FER: variants seen among roughly 807,000 people sequenced by gnomAD.
The protein encoded by FER is FER tyrosine kinase, also known as tyrosine-protein kinase Fer.
In FER, 63 loss-of-function variants were observed where a neutral mutation model predicts 111.0. That is an observed-to-expected ratio of 0.57 (90% CI 0.46 to 0.70). The LOEUF (loss-of-function observed/expected upper bound fraction) is 0.70. Ranked by LOEUF, FER falls within the 30% of genes least tolerant of loss-of-function variation. The probability of loss-of-function intolerance (pLI) is 0.00; values close to 1 mark genes in which losing one functional copy is unlikely to be tolerated. For synonymous variants in FER, 327 were observed against 313.9 expected (o/e 1.04, Z -0.44); for missense variants, 914 against 954.0 (o/e 0.96, Z 0.55).
chr5:108,850,966 T>C (rs547574643), intron 5 of FER, among the ~76,000 whole-genome samples: 53 of 152,230 alleles, frequency 3.5e-4, no homozygotes, highest in Non-Finnish European at 1.2e-4. Context: ...TAAACTCTGT[T>C]AATGATAATG....
At chr5:109,036,766 C>T (rs1033861084) in intron 13 of FER, among the ~76,000 whole-genome samples, 1 of 151,178 alleles carries the variant, frequency 6.6e-6, no homozygotes, top group South Asian at 2.1e-4. Flanking sequence ...ATAGTTGAGC[C>T]TTTTTTAGAT....
At chr5:108,901,290 G>C (rs946874006) in intron 10 of FER, among the ~76,000 whole-genome samples, 1 of 151,936 alleles carries the variant, frequency 6.6e-6, no homozygotes, top group Admixed American at 6.6e-5. Context: ...GGTTATGCTA[G>C]ATAAGTATGA....
chr5:108,903,043 C>G (rs1371981198), intron 10 of FER, among the ~76,000 whole-genome samples: 2 of 151,924 alleles, frequency 1.3e-5, no homozygotes, highest in Non-Finnish European at 2.9e-5. Context: ...TCAGAATAAT[C>G]TGGTTATTTA....
intron 16 of FER, among the ~76,000 whole-genome samples, chr5:109,073,448 G>C (rs925670619): frequency 6.6e-6 from 1 of 152,118 alleles, no homozygotes; most frequent in African/African-American, 2.4e-5. Context: ...TGAGGCTAGT[G>C]TTAGGCTGTG....
intron 2 of FER, among the ~76,000 whole-genome samples, chr5:108,795,981 G>A (rs1755972606): frequency 6.6e-6 from 1 of 152,136 alleles, no homozygotes; most frequent in African/African-American, 2.4e-5. Context: ...GATATTTATT[G>A]TAGTCTTCAC....
intron 8 of FER, among the ~76,000 whole-genome samples, chr5:108,874,247 A>G (rs1269106799): frequency 1.3e-5 from 2 of 152,190 alleles, no homozygotes; most frequent in African/African-American, 4.8e-5. Flanking sequence ...TTTTGTGACC[A>G]AAGAAGAATT....
In FER at chr5:108,816,669, A is replaced by G. The variant is rs531440837; in HGVS notation, c.208-16101A>G. On this transcript the variant is annotated intron_variant, in intron 3 of 19. Coordinates refer to ENST00000281092, the MANE Select transcript of FER (RefSeq NM_005246.4). ...TTGTACAATCTCATGGTTATTAGGC[A>G]CAAAAATATTTTGTTACAGTAGAGC... Among the ~76,000 whole-genome samples the G allele has an allele frequency of 3.3e-5, 5 of 152,316 alleles. No individual in the cohort carries two copies. The East Asian group carries it at 9.6e-4, about 29-fold the overall frequency.
At chr5:109,072,245 T>C (rs1256045518) in intron 16 of FER, among the ~76,000 whole-genome samples, 1 of 151,678 alleles carries the variant, frequency 6.6e-6, no homozygotes, top group East Asian at 2.0e-4. Flanking sequence ...AAAACCTCTT[T>C]CTATTCTATG....
chr5:108,846,192 T>C (rs12719100), intron 5 of FER, among the ~76,000 whole-genome samples: 44,584 of 151,928 alleles, frequency 0.29, 6,813 homozygotes, highest in African/African-American at 0.34. Context: ...TGGTAGACTT[T>C]GCTTGTGAAA....
intron 3 of FER, among the ~76,000 whole-genome samples, chr5:108,815,262 T>C (rs993585309): frequency 6.6e-6 from 1 of 152,048 alleles, no homozygotes; most frequent in Non-Finnish European, 1.5e-5. Flanking sequence ...AAAATGTAAA[T>C]GTACCTGTTA....
At chr5:108,855,001 G>A (rs1320250010) in intron 5 of FER, among the ~76,000 whole-genome samples, 2 of 147,442 alleles carry the variant, frequency 1.4e-5, no homozygotes, top group Non-Finnish European at 3.0e-5. Flanking sequence ...TGAATTGGAT[G>A]TAGTTTGTGA....
intron 3 of FER, among the ~76,000 whole-genome samples, chr5:108,821,942 A>C (rs1254965833): frequency 6.6e-6 from 1 of 152,094 alleles, no homozygotes; most frequent in African/African-American, 2.4e-5. Context: ...TGTACATTAG[A>C]TCTTCAGGAC....
chr5:109,131,422 C>T (rs532442598), intron 17 of FER, among the ~76,000 whole-genome samples: 3 of 152,168 alleles, frequency 2.0e-5, no homozygotes, highest in East Asian at 3.9e-4. Flanking sequence ...ATTTTTTCCC[C>T]TGTGATCTTC....
chr5:108,766,048 G>A (rs534933529), intron 1 of FER, among the ~76,000 whole-genome samples: 4 of 151,860 alleles, frequency 2.6e-5, no homozygotes, highest in African/African-American at 7.2e-5. Flanking sequence ...TCCCACCTTA[G>A]CCTCTCAAGT....
intron 2 of FER, chr5:108,785,598 A>G (rs1167870030): frequency 5.9e-6 from 2 of 339,806 alleles, no homozygotes; most frequent in African/African-American, 2.2e-5. Flanking sequence ...AACAAACTGG[A>G]AAAAAAAAAG....
At chr5:109,001,007 A>T (rs930019598) in intron 13 of FER, among the ~76,000 whole-genome samples, 1 of 152,204 alleles carries the variant, frequency 6.6e-6, no homozygotes, top group Non-Finnish European at 1.5e-5. Flanking sequence ...TTGTGGCAAT[A>T]ATCAATAGCT....
chr5:108,872,697 T>A (rs1415279377), intron 8 of FER, among the ~76,000 whole-genome samples: 1 of 152,168 alleles, frequency 6.6e-6, no homozygotes, highest in Admixed American at 6.5e-5. Context: ...GTTGTTTTTG[T>A]TGTGTAAAAT....
chr5:108,922,765 A>C (rs1753193194), intron 10 of FER, among the ~76,000 whole-genome samples: 1 of 152,202 alleles, frequency 6.6e-6, no homozygotes, highest in Non-Finnish European at 1.5e-5. Context: ...GAATACTGGG[A>C]AACTATACGC....
intron 5 of FER, among the ~76,000 whole-genome samples, chr5:108,847,156 C>CT (rs112723359): frequency 4.0e-4 from 58 of 143,324 alleles, no homozygotes; most frequent in East Asian, 1.0e-3. Context: ...TCCTTAAATA[C>CT]TTTTTTTTTT....
Sources: allele counts gnomAD v4.1 joint callset (sites outside exome capture counted in the v4.1 genomes callset), GRCh38; gene constraint gnomAD v4.1.1; transcripts MANE v1.5; gene names NCBI Gene and HGNC (gene_info 2026-07-23, HGNC 2026-07-21).